The following NEDD4 variants were observed in gnomAD, a reference collection of about 807,000 sequenced individuals.
The protein encoded by NEDD4 is E3 ubiquitin-protein ligase NEDD4.
In NEDD4, 99 loss-of-function variants were observed where a neutral mutation model predicts 144.9. That is an observed-to-expected ratio of 0.68 (90% CI 0.58 to 0.81). The LOEUF is 0.81. NEDD4 is among the 30% of genes least tolerant of loss of function. The pLI is 0.00. For synonymous variants in NEDD4, 318 were observed against 350.6 expected, an observed-to-expected ratio of 0.91 and a Z score of 1.04; for missense variants, 985 against 1,065.9, an observed-to-expected ratio of 0.92 and a Z score of 1.06.
Position 55,827,876 on chromosome 15 carries a change from A to G in NEDD4, c.*2021T>C, listed in dbSNP as rs1016131270. The G allele has an allele frequency of 2.0e-5, 3 of 152,240 alleles. No homozygotes were observed. The highest frequency in any genetic ancestry group is 6.5e-5 in the Admixed American group (1 of 15,280). 9.4% of individuals were successfully genotyped at this position (152,240 alleles called of 1,614,324 possible). On this transcript the variant is annotated 3_prime_UTR_variant, in exon 29 of 29. Transcript: ENST00000435532. The stretch of plus-strand genomic sequence containing the variant: ...TCAGCACAAAGCACCTTCTGATTGT[A>G]TAACACTTTACAAAGTACTTTTTGC...
At chr15:55,904,012 A>T (rs1318521672) in intron 5 of NEDD4, among the ~76,000 whole-genome samples, 1 of 151,704 alleles carries the variant, frequency 6.6e-6, no homozygotes, top group African/African-American at 2.4e-5. Context: ...ACACAAAAAA[A>T]TTAGTCAGAT....
intron 2 of NEDD4, among the ~76,000 whole-genome samples, chr15:55,956,670 A>T (rs67240909): frequency 0.13 from 20,448 of 152,178 alleles, 1,496 homozygotes; most frequent in East Asian, 0.32. Context: ...TGAACAATAT[A>T]TCTATTCTCA....
chr15:55,983,520 T>C (rs1264509737), intron 1 of NEDD4, among the ~76,000 whole-genome samples: 1 of 151,630 alleles, frequency 6.6e-6, no homozygotes, highest in Non-Finnish European at 1.5e-5. Flanking sequence ...GCCCCACTCT[T>C]CACCTGCTAA....
intron 4 of NEDD4, among the ~76,000 whole-genome samples, chr15:55,926,545 A>G (rs1595851178): frequency 6.6e-6 from 1 of 152,166 alleles, no homozygotes; most frequent in Admixed American, 6.5e-5. Context: ...AGGTGGGAGG[A>G]TCACTTGAGC....
chr15:55,846,921 C>G (rs1173671405), intron 18 of NEDD4, 48 bp downstream of exon 18: 1 of 1,137,378 alleles, frequency 8.8e-7, no homozygotes, highest in Non-Finnish European at 1.3e-6. Flanking sequence ...CATTACTTTC[C>G]ATCTATATAT....
intron 2 of NEDD4, among the ~76,000 whole-genome samples, chr15:55,956,798 T>C (rs1193099959): frequency 6.6e-6 from 1 of 152,196 alleles, no homozygotes; most frequent in Admixed American, 6.5e-5. Context: ...GCCTTGACTT[T>C]CCATACAAAT....
Position 55,971,086 on chromosome 15 carries a change from G to T in NEDD4, c.46-4540C>A, listed in dbSNP as rs898638430. ...TCCTATCAAATAAATTTAACAAAGA[G>T]ATTAAAAACCTCTTTGATTCTTATA... is the stretch of plus-strand genomic sequence containing the variant. On this transcript the variant is annotated intron_variant, in intron 1 of 28. Transcript: ENST00000435532. Among the ~76,000 whole-genome samples the T allele has an allele frequency of 3.9e-5, 6 of 152,044 alleles. No homozygotes were observed. In the East Asian group the frequency reaches 1.2e-3, roughly 29 times the overall value.
chr15:55,869,957 A>G (rs1327526978), intron 7 of NEDD4, among the ~76,000 whole-genome samples: 7 of 152,198 alleles, frequency 4.6e-5, no homozygotes, highest in African/African-American at 1.7e-4. Flanking sequence ...AATGTCAAAG[A>G]GAAGCTGGCC....
chr15:55,859,928 C>G (rs1261248838), intron 11 of NEDD4, among the ~76,000 whole-genome samples: 4 of 152,190 alleles, frequency 2.6e-5, no homozygotes, highest in Non-Finnish European at 5.9e-5. Flanking sequence ...CTTTGCTAAT[C>G]ATAGCTTTAG....
At chr15:55,847,296 G>C (rs1486029242) in intron 17 of NEDD4, among the ~76,000 whole-genome samples, 8 of 152,094 alleles carry the variant, frequency 5.3e-5, no homozygotes, top group African/African-American at 1.9e-4. Context: ...GCCAGAAATA[G>C]GAAATTTCTT....
intron 5 of NEDD4, among the ~76,000 whole-genome samples, chr15:55,920,507 T>A (rs2036550026): frequency 6.6e-6 from 1 of 152,148 alleles, no homozygotes; most frequent in Admixed American, 6.5e-5. Flanking sequence ...ATCACCATAA[T>A]GAAACGACAA....
chr15:55,927,780 G>A (rs2036702934), intron 4 of NEDD4, among the ~76,000 whole-genome samples: 1 of 152,160 alleles, frequency 6.6e-6, no homozygotes. Context: ...GTCTACAGGA[G>A]CTGGAGCCCT....
intron 1 of NEDD4, among the ~76,000 whole-genome samples, chr15:55,976,661 G>A (rs1188070049): frequency 2.1e-5 from 3 of 140,096 alleles, no homozygotes; most frequent in Admixed American, 7.8e-5. Flanking sequence ...ACGGAGGCTC[G>A]CTCTGTGGCC....
chr15:55,948,827 G>A (rs1412554896), intron 4 of NEDD4, among the ~76,000 whole-genome samples: 2 of 152,160 alleles, frequency 1.3e-5, no homozygotes, highest in Non-Finnish European at 1.5e-5. Flanking sequence ...AGGCTTAAAC[G>A]TTAGACCTAA....
chr15:55,978,060 G>C (rs371836927), intron 1 of NEDD4, among the ~76,000 whole-genome samples: 2 of 152,082 alleles, frequency 1.3e-5, no homozygotes, highest in Non-Finnish European at 2.9e-5. Context: ...CCTTAACTGA[G>C]AAAAGAGATT....
In NEDD4 at chr15:55,848,593, T is replaced by G; in HGVS notation, c.1429-18A>C. 6.2e-7 allele frequency: 1 copy of G among 1,605,976 alleles called. No homozygotes were observed. The highest frequency in any genetic ancestry group is 8.5e-7 in the Non-Finnish European group (1 of 1,173,508). On this transcript the variant is annotated intron_variant, in intron 15 of 28. Transcript: ENST00000435532. ...CATCCTGGCTATAATTAAAAATGTA[T>G]TTCAATTATTTTAGGAGAGGGGCGT...
chr15:55,855,243 GAAC>G (rs1447600477), intron 12 of NEDD4, among the ~76,000 whole-genome samples: 1 of 152,178 alleles, frequency 6.6e-6, no homozygotes, highest in Non-Finnish European at 1.5e-5. Context: ...TCCTGTGCTA[GAAC>G]ATACCCTACT....
intron 1 of NEDD4, among the ~76,000 whole-genome samples, chr15:55,980,453 G>A (rs1037922097): frequency 1.3e-5 from 2 of 152,080 alleles, no homozygotes; most frequent in African/African-American, 4.8e-5. Flanking sequence ...TATAAATCCT[G>A]ATATGTGAGA....
intron 2 of NEDD4, among the ~76,000 whole-genome samples, chr15:55,964,888 T>G (rs1187595406): frequency 6.6e-6 from 1 of 152,092 alleles, no homozygotes; most frequent in African/African-American, 2.4e-5. Context: ...CCCTCGGAAG[T>G]GAGTGAGTTC....
Sources: allele counts gnomAD v4.1 joint callset (sites outside exome capture counted in the v4.1 genomes callset), GRCh38; gene constraint gnomAD v4.1.1; transcripts MANE v1.5; gene names NCBI Gene and HGNC (gene_info 2026-07-23, HGNC 2026-07-21).